The following CLEC12A variants were observed in gnomAD, a reference collection of about 807,000 sequenced individuals.
CLEC12A encodes C-type lectin protein CLL-1.
A neutral mutation model predicts 26.5 loss-of-function variants in CLEC12A; 22 were observed. The ratio of observed to expected loss-of-function variants is 0.83; its 90% CI spans 0.59 to 1.19. The LOEUF (loss-of-function observed/expected upper bound fraction) is 1.19. Among genes scored for constraint, CLEC12A ranks in the 50% most tolerant of loss-of-function variants. The probability of loss-of-function intolerance (pLI) is 0.00; values close to 1 mark genes in which losing one functional copy is unlikely to be tolerated. For synonymous variants in CLEC12A, 119 were observed against 101.9 expected (o/e 1.17, Z -1.01); for missense variants, 353 against 315.6 (o/e 1.12, Z -0.90).
At chr12:9,970,008 T>A (rs1864067799), upstream of CLEC12A, among the ~76,000 whole-genome samples, 1 of 152,256 alleles carries the variant, frequency 6.6e-6, no homozygotes, top group Non-Finnish European at 1.5e-5. Flanking sequence ...GTACTTAGGA[T>A]GAAGTAATCA....
chr12:10,005,948 TC>T, the CLEC12A span, among the ~76,000 whole-genome samples: 1 of 152,188 alleles, frequency 6.6e-6, no homozygotes, highest in African/African-American at 2.4e-5. Context: ...TTTAAAAGTG[TC>T]CTCTGAAATA....
At chr12:9,960,882 C>T (rs1482903486) in intron 1 of CLEC12A, among the ~76,000 whole-genome samples, 2 of 152,142 alleles carry the variant, frequency 1.3e-5, no homozygotes, top group Admixed American at 6.5e-5. Flanking sequence ...TTTTCCCTAC[C>T]TCTGCCTAAT....
upstream of CLEC12A, among the ~76,000 whole-genome samples, chr12:9,969,988 C>A (rs1374542128): frequency 6.6e-6 from 1 of 152,184 alleles, no homozygotes; most frequent in African/African-American, 2.4e-5. Context: ...ATAAAAGCAA[C>A]ATTAGTAAAG....
At chr12:9,980,447 A>G (rs1157173610) in intron 3 of CLEC12A, 135 bp from the exon 4 acceptor site, 45 of 950,788 alleles carry the variant, frequency 4.7e-5, no homozygotes, top group African/African-American at 4.6e-4. Flanking sequence ...AAAAAAAAAA[A>G]AGGGGGAAAG....
At chr12:9,975,388 A>T (rs1036987112) in intron 1 of CLEC12A, among the ~76,000 whole-genome samples, 1 of 152,194 alleles carries the variant, frequency 6.6e-6, no homozygotes, top group Non-Finnish European at 1.5e-5. Flanking sequence ...GATGGAGATG[A>T]GGAATTTGTT....
chr12:9,991,036 C>G (rs992099107), intron 4 of CLEC12A: 1 of 152,198 alleles, frequency 6.6e-6, no homozygotes, highest in African/African-American at 2.4e-5. Context: ...CGTTGTAGCT[C>G]AAACATAACT....
intron 4 of CLEC12A, among the ~76,000 whole-genome samples, chr12:9,981,678 T>G (rs896508409): frequency 1.4e-4 from 21 of 152,156 alleles, no homozygotes; most frequent in African/African-American, 5.1e-4. Flanking sequence ...TAACTCTTGT[T>G]TATAGCCATT....
chr12:9,973,325 G>A (rs1003769244), intron 1 of CLEC12A, among the ~76,000 whole-genome samples: 1 of 151,978 alleles, frequency 6.6e-6, no homozygotes, highest in Non-Finnish European at 1.5e-5. Context: ...AATTAACTGG[G>A]CACCCATAGT....
chr12:10,000,508 AC>A (rs1235041013), downstream of CLEC12A, among the ~76,000 whole-genome samples: 1 of 152,248 alleles, frequency 6.6e-6, no homozygotes, highest in Non-Finnish European at 1.5e-5. Context: ...TTAAAAAAAA[AC>A]ACATTTGAAA....
downstream of CLEC12A, among the ~76,000 whole-genome samples, chr12:9,989,641 A>G (rs1483665900): frequency 2.6e-5 from 4 of 152,240 alleles, no homozygotes; most frequent in Non-Finnish European, 5.9e-5. Context: ...TCTCTAACAT[A>G]AAAATGAAAG....
chr12:9,971,013 C>G (rs1039825412), upstream of CLEC12A, among the ~76,000 whole-genome samples: 2 of 152,156 alleles, frequency 1.3e-5, no homozygotes, highest in African/African-American at 4.8e-5. Flanking sequence ...AACGGAATGA[C>G]ACTAACTGTC....
chr12:9,979,637 G>A, intron 3 of CLEC12A, 113 bp downstream of exon 3: 4 of 768,416 alleles, frequency 5.2e-6, no homozygotes, highest in South Asian at 2.2e-5. Context: ...TCATAATTTG[G>A]GGGAAAGAAT....
At chr12:9,989,266 T>C (rs1256092562), downstream of CLEC12A, among the ~76,000 whole-genome samples, 1 of 151,576 alleles carries the variant, frequency 6.6e-6, no homozygotes, top group East Asian at 1.9e-4. Flanking sequence ...TAATGTTAAA[T>C]GACGAGTTAA....
At chr12:9,977,722 A>G (rs1864394225) in intron 1 of CLEC12A, among the ~76,000 whole-genome samples, 1 of 152,120 alleles carries the variant, frequency 6.6e-6, no homozygotes, top group Non-Finnish European at 1.5e-5. Context: ...TCTCACTTAT[A>G]TATCTATTTA....
chr12:9,993,417 A>C (rs1206003535), intron 4 of CLEC12A: 1 of 778,442 alleles, frequency 1.3e-6, no homozygotes, highest in Non-Finnish European at 2.1e-6. Context: ...AAAAAAAAAA[A>C]CGATTCTCAT....
downstream of CLEC12A, chr12:9,997,322 A>G: frequency 1.9e-6 from 3 of 1,553,406 alleles, no homozygotes; most frequent in Non-Finnish European, 2.6e-6. Context: ...AATTAGAACC[A>G]TAGAAATGAT....
intron 1 of CLEC12A, among the ~76,000 whole-genome samples, chr12:9,961,064 G>A (rs115070764): frequency 0.019 from 2,964 of 152,286 alleles, 99 homozygotes; most frequent in African/African-American, 0.066. Context: ...AGGGAGACAC[G>A]AGGCTTCAAT....
intron 1 of CLEC12A, among the ~76,000 whole-genome samples, chr12:9,964,695 C>T (rs1863898985): frequency 6.6e-6 from 1 of 152,016 alleles, no homozygotes; most frequent in Non-Finnish European, 1.5e-5. Context: ...AAGTTATTTC[C>T]TTGAGGATAG....
At position 9,979,042 on chromosome 12, in the gene CLEC12A, A is replaced by C. The variant is rs905616421; in HGVS notation, c.168A>C (p.Gly56=). ...TTCTGTGCCTTCTGTTGCTCATTGGATTGGGAGTCTTGGCAAGCATGTGTA... is the reference window on the plus strand; with the variant it reads ...TTCTGTGCCTTCTGTTGCTCATTGGCTTGGGAGTCTTGGCAAGCATGTGTA... The part of the protein sequence containing the change: ...LTLLCLLLLI[G]LGVLASMFHV... Residue 56 remains glycine (G), a synonymous_variant, in exon 2 of 6, where the codon GGA becomes GGC. Coordinates refer to ENST00000304361, the MANE Select transcript of CLEC12A (RefSeq NM_138337.6). 7 of 1,613,544 alleles carry C rather than the reference A, an allele frequency of 4.3e-6. No individual in the cohort carries two copies. The highest frequency in any genetic ancestry group is 5.9e-6 in the Non-Finnish European group (7 of 1,179,708).
Sources: allele counts gnomAD v4.1 joint callset (sites outside exome capture counted in the v4.1 genomes callset), GRCh38; gene constraint gnomAD v4.1.1; transcripts MANE v1.5; gene names NCBI Gene and HGNC (gene_info 2026-07-23, HGNC 2026-07-21).